FHDC1: variants seen among roughly 807,000 people sequenced by gnomAD.
FHDC1 encodes FH2 domain-containing protein 1.
FHDC1 carries 25 observed loss-of-function variants against 52.6 expected under a neutral mutation model. The ratio of observed to expected loss-of-function variants is 0.48; its 90% CI spans 0.35 to 0.66. The LOEUF (loss-of-function observed/expected upper bound fraction) is 0.66, where lower values mean the gene tolerates loss of function less well. FHDC1 is among the 30% of genes least tolerant of loss of function. FHDC1 has a pLI of 0.01. For missense variants in FHDC1, 1,459 were observed against 1,452.8 expected, an observed-to-expected ratio of 1.00 and a Z score of -0.07; for synonymous variants, 616 against 581.5, an observed-to-expected ratio of 1.06 and a Z score of -0.85.
At chr4:152,937,064 G>A (rs2149932242) in intron 1 of FHDC1, among the ~76,000 whole-genome samples, 1 of 152,380 alleles carries the variant, frequency 6.6e-6, no homozygotes, top group East Asian at 1.9e-4. Context: ...AAGCGGGTGG[G>A]CTGGGGATCA....
chr4:152,933,696 G>T (rs1356963743), upstream of FHDC1, among the ~76,000 whole-genome samples: 1 of 134,700 alleles, frequency 7.4e-6, no homozygotes, highest in East Asian at 2.1e-4. Flanking sequence ...TCGCTCCACT[G>T]CATTCCAGCC....
At chr4:152,962,909 AATGTT>A (rs1740321080) in intron 7 of FHDC1, 25 bp downstream of exon 7, 2 of 1,602,740 alleles carry the variant, frequency 1.2e-6, no homozygotes, top group Admixed American at 3.4e-5. Flanking sequence ...AAACAATTGT[AATGTT>A]ATGTTTTCAA....
chr4:152,962,991 A>G (rs760565225), intron 7 of FHDC1, 32 bp from the exon 8 acceptor site: 13 of 1,548,986 alleles, frequency 8.4e-6, no homozygotes, highest in East Asian at 2.2e-5. Context: ...GTATGTATAC[A>G]TAATTTTTTC....
chr4:152,975,545 G>A lies in FHDC1; in HGVS notation c.2254G>A (p.Ala752Thr). 1 of 1,613,664 alleles carries A rather than the reference G, an allele frequency of 6.2e-7. No homozygotes were observed. The stretch of plus-strand genomic sequence containing the variant: ...GGCTGCCCCCGATGAGCCTGGAAGT[G>A]CAGCTTTGGGATCTGTGGGTAGCAG... Reference protein sequence around the residue: ...GKAAPDEPGSAALGSVGSSDP... With the variant: ...GKAAPDEPGSTALGSVGSSDP... The change falls in exon 12 of 12, where the codon GCA becomes ACA. Residue 752 changes from alanine to threonine, a missense_variant. By Grantham distance (58) the Ala-to-Thr change is moderately conservative (BLOSUM62 0). This residue lies in a region of FHDC1 where 939 missense variants were observed against 854.5 expected (regional missense o/e 1.10). Transcript: ENST00000511601.
chr4:152,947,161 G>A (rs1739759152), intron 2 of FHDC1, among the ~76,000 whole-genome samples: 1 of 151,508 alleles, frequency 6.6e-6, no homozygotes, highest in African/African-American at 2.4e-5. Flanking sequence ...GGAGGTTGCA[G>A]TGAGTGGAGA....
the FHDC1 span, among the ~76,000 whole-genome samples, chr4:152,915,149 T>G: frequency 6.6e-6 from 1 of 152,214 alleles, no homozygotes; most frequent in African/African-American, 2.4e-5. Flanking sequence ...GAATATATAC[T>G]TATTATGACT....
At chr4:152,931,455 A>AACACACACAC (rs56142204), upstream of FHDC1, among the ~76,000 whole-genome samples, 1 of 127,224 alleles carries the variant, frequency 7.9e-6, no homozygotes, top group Non-Finnish European at 1.7e-5. Flanking sequence ...CAGCCTCTAA[A>AACACACACAC]ACACACACAC....
chr4:152,922,035 CA>C, the FHDC1 span, among the ~76,000 whole-genome samples: 4 of 152,028 alleles, frequency 2.6e-5, no homozygotes, highest in African/African-American at 4.8e-5. Flanking sequence ...AATAGAGACA[CA>C]AAAAACCCTT....
chr4:152,945,288 A>G (rs1579083228), intron 2 of FHDC1, among the ~76,000 whole-genome samples: 1 of 152,318 alleles, frequency 6.6e-6, no homozygotes, highest in African/African-American at 2.4e-5. Context: ...TCTGAAATTC[A>G]GGGAAAAAAA....
chr4:152,952,227 C>T (rs1056181923), intron 2 of FHDC1, among the ~76,000 whole-genome samples: 1 of 152,058 alleles, frequency 6.6e-6, no homozygotes, highest in Non-Finnish European at 1.5e-5. Context: ...ATGATGTTTC[C>T]GAAATATGAC....
intron 6 of FHDC1, 147 bp downstream of exon 6, chr4:152,960,991 T>G: frequency 1.9e-6 from 1 of 523,534 alleles, no homozygotes; most frequent in East Asian, 3.2e-5. Context: ...AGGGATGCAC[T>G]TAAGGTTGAT....
In FHDC1 at chr4:152,976,073, T is replaced by G. The variant is rs766680048; in HGVS notation, c.2782T>G (p.Ser928Ala). Reference protein sequence around the residue: ...RRPELSSRGPSQNPPSSTDTV... With the variant: ...RRPELSSRGPAQNPPSSTDTV... Reference sequence around the variant, plus strand: ...ACCAGAGCTGTCATCCCGGGGGCCCTCCCAGAATCCCCCCAGCAGCACAGA... The same window carrying G: ...ACCAGAGCTGTCATCCCGGGGGCCCGCCCAGAATCCCCCCAGCAGCACAGA... The change falls in exon 12 of 12, where the codon TCC becomes GCC. Residue 928 changes from serine to alanine, a missense_variant. By Grantham distance (99) the Ser-to-Ala change is moderately conservative (BLOSUM62 1). Transcript: ENST00000511601. 6.2e-7 allele frequency: 1 copy of G among 1,602,170 alleles called. No homozygotes were observed. The highest frequency in any genetic ancestry group is 2.2e-5 in the East Asian group (1 of 44,698).
intron 10 of FHDC1, among the ~76,000 whole-genome samples, chr4:152,972,082 T>C (rs1217805772): frequency 1.3e-5 from 2 of 152,208 alleles, no homozygotes; most frequent in African/African-American, 4.8e-5. Flanking sequence ...TTTTTTTCAG[T>C]GACATTAAAA....
chr4:152,913,588 A>C, the FHDC1 span, among the ~76,000 whole-genome samples: 2 of 152,304 alleles, frequency 1.3e-5, no homozygotes, highest in South Asian at 2.1e-4. Context: ...AATAGTCCTA[A>C]ATATCCTTTG....
intron 9 of FHDC1, among the ~76,000 whole-genome samples, chr4:152,967,384 G>A (rs188748163): frequency 5.3e-5 from 8 of 152,154 alleles, no homozygotes; most frequent in African/African-American, 1.9e-4. Flanking sequence ...CCAAGATCAG[G>A]CCACTGCAAT....
intron 9 of FHDC1, among the ~76,000 whole-genome samples, chr4:152,967,672 G>A (rs1178972421): frequency 6.6e-6 from 1 of 152,194 alleles, no homozygotes; most frequent in East Asian, 1.9e-4. Context: ...AGTTTGTAAT[G>A]CTTATTGCAT....
intron 9 of FHDC1, among the ~76,000 whole-genome samples, chr4:152,966,988 C>T (rs183352362): frequency 4.6e-5 from 7 of 152,226 alleles, no homozygotes; most frequent in African/African-American, 7.2e-5. Flanking sequence ...GGTGTGGTGG[C>T]GCACACCTGT....
At chr4:152,968,219 A>G (rs1342574394) in intron 10 of FHDC1, 122 bp downstream of exon 10, 7 of 665,346 alleles carry the variant, frequency 1.1e-5, no homozygotes, top group East Asian at 1.0e-4. Context: ...TTTTTCTCCA[A>G]GTTAGTCAGA....
At chr4:152,932,243 TA>T (rs1579073739), upstream of FHDC1, among the ~76,000 whole-genome samples, 1 of 151,520 alleles carries the variant, frequency 6.6e-6, no homozygotes, top group Admixed American at 6.6e-5. Context: ...AAAAATAAAC[TA>T]AAAAAATCAG....
Sources: gnomAD v4.1 joint callset for allele counts (sites outside exome capture counted in the v4.1 genomes callset) on GRCh38, gnomAD v4.1.1 for gene constraint, gnomAD v4.1.1 regional missense constraint, MANE v1.5 for transcripts, NCBI Gene and HGNC (gene_info 2026-07-23, HGNC 2026-07-21) for gene names.